POC1B: variants seen among roughly 807,000 people sequenced by gnomAD.
The protein encoded by POC1B is POC1 centriolar protein B, also known as POC1 centriolar protein homolog B.
A neutral mutation model predicts 60.6 loss-of-function variants in POC1B; 44 were observed. The ratio of observed to expected loss-of-function variants is 0.73; its 90% CI spans 0.57 to 0.93. The LOEUF (loss-of-function observed/expected upper bound fraction) is 0.93, where lower values mean the gene tolerates loss of function less well. Among genes scored for constraint, POC1B ranks in the 40% least tolerant of loss-of-function variants. POC1B has a pLI of 0.00. For synonymous variants in POC1B, 180 were observed against 198.9 expected (o/e 0.90, Z 0.80); for missense variants, 555 against 572.3 (o/e 0.97, Z 0.31).
chr12:89,451,205 C>T (rs1480832693), intron 10 of POC1B, among the ~76,000 whole-genome samples: 2 of 152,098 alleles, frequency 1.3e-5, no homozygotes, highest in Non-Finnish European at 2.9e-5. Context: ...ACTCTATGTG[C>T]TTCAGAAAAA....
chr12:89,518,877 A>G (rs1870617526), intron 2 of POC1B, among the ~76,000 whole-genome samples: 1 of 152,166 alleles, frequency 6.6e-6, no homozygotes, highest in Non-Finnish European at 1.5e-5. Context: ...TAGGTCACCT[A>G]TATATATGCT....
At chr12:89,506,234 C>A (rs1192885576) in intron 2 of POC1B, among the ~76,000 whole-genome samples, 1 of 152,234 alleles carries the variant, frequency 6.6e-6, no homozygotes, top group Non-Finnish European at 1.5e-5. Flanking sequence ...CTGTCACTTA[C>A]TGCTGTGTGC....
At chr12:89,525,715 G>A in intron 1 of POC1B, 166 bp downstream of exon 1, 7 of 1,260,276 alleles carry the variant, frequency 5.6e-6, no homozygotes, top group Non-Finnish European at 7.2e-6. Context: ...CGTCCGCCCC[G>A]ATGGCAGAGA....
intron 2 of POC1B, chr12:89,524,169 C>A: frequency 6.2e-7 from 1 of 1,613,988 alleles, no homozygotes; most frequent in Non-Finnish European, 8.5e-7. Flanking sequence ...AGTTGAACTT[C>A]TGGGACTTAC....
Position 89,437,813 on chromosome 12 carries a change from C to T in POC1B, c.1114-12434G>A, listed in dbSNP as rs368999341. On this transcript the variant is annotated intron_variant, in intron 10 of 11. Coordinates refer to ENST00000313546, the MANE Select transcript of POC1B (RefSeq NM_172240.3). ...CTGTAACCCCAGCACTTTGGGAGGC[C>T]GAGACGGGTGGATCACCTGAGGTCA... Among the ~76,000 whole-genome samples, 57 of 151,892 alleles carry T rather than the reference C, an allele frequency of 3.8e-4. No individual in the cohort carries two copies. In the East Asian group the frequency reaches 0.01, roughly 28 times the overall value.
intron 5 of POC1B, among the ~76,000 whole-genome samples, 177 bp from the exon 6 acceptor site, chr12:89,471,906 T>A (rs923544750): frequency 6.6e-6 from 1 of 152,056 alleles, no homozygotes; most frequent in African/African-American, 2.4e-5. Context: ...TAGCTGGAAT[T>A]ACAGGCACAT....
intron 2 of POC1B, chr12:89,502,515 A>G (rs1052334670): frequency 1.9e-6 from 2 of 1,079,510 alleles, no homozygotes; most frequent in African/African-American, 1.6e-5. Flanking sequence ...ATCTGTCTTG[A>G]TAACGATGAA....
Position 89,525,871 on chromosome 12 carries a change from C to A in POC1B, c.15+10G>T. On this transcript the variant is annotated intron_variant, in intron 1 of 11. Transcript: ENST00000313546. ...GGGAGGGACCCCCCCCACCTCCAAC[C>A]CGTCCTTACCGTGGCTGAGGCCATC... The A allele has an allele frequency of 6.9e-7, 1 of 1,443,150 alleles. No homozygotes were observed. Among genetic ancestry groups the A allele is most frequent in the East Asian group, 2.6e-5 (1 of 38,216 alleles). The allele number at this position is 1,443,150 out of a possible 1,614,324, so 89.4% of individuals were successfully genotyped here.
chr12:89,443,152 T>C (rs1225012527), intron 10 of POC1B, among the ~76,000 whole-genome samples: 1 of 152,142 alleles, frequency 6.6e-6, no homozygotes, highest in African/African-American at 2.4e-5. Flanking sequence ...ACAATAATAA[T>C]GGGAGACTTT....
At chr12:89,433,236 G>C (rs1247890968) in intron 10 of POC1B, among the ~76,000 whole-genome samples, 2 of 152,104 alleles carry the variant, frequency 1.3e-5, no homozygotes, top group Non-Finnish European at 2.9e-5. Flanking sequence ...GGGATGAGGG[G>C]CCAAATGAGG....
At chr12:89,428,269 A>G (rs1193114893) in intron 10 of POC1B, 2 of 152,312 alleles carry the variant, frequency 1.3e-5, no homozygotes, top group South Asian at 2.1e-4. Flanking sequence ...CCATCCTAGC[A>G]TGACTGCATC....
At chr12:89,522,910 C>G in intron 2 of POC1B, 1 of 1,614,046 alleles carries the variant, frequency 6.2e-7, no homozygotes, top group Non-Finnish European at 8.5e-7. Flanking sequence ...AGCACTAAGA[C>G]ACAGTCCTGA....
the POC1B span, among the ~76,000 whole-genome samples, chr12:89,405,202 T>C: frequency 2.0e-5 from 3 of 152,138 alleles, no homozygotes; most frequent in Non-Finnish European, 4.4e-5. Flanking sequence ...ACTAACATGG[T>C]TGATGGAAGG....
intron 4 of POC1B, among the ~76,000 whole-genome samples, chr12:89,482,090 A>G (rs1868382509): frequency 1.3e-5 from 2 of 152,218 alleles, no homozygotes; most frequent in South Asian, 4.1e-4. Flanking sequence ...GAAAAATTTG[A>G]CCCAGATATG....
At chr12:89,495,920 C>T (rs903559839) in intron 3 of POC1B, among the ~76,000 whole-genome samples, 4 of 152,032 alleles carry the variant, frequency 2.6e-5, no homozygotes, top group African/African-American at 9.7e-5. Context: ...TGACACCACG[C>T]CTGGCTAACT....
chr12:89,432,252 G>A (rs535441837), intron 10 of POC1B, among the ~76,000 whole-genome samples: 3 of 151,706 alleles, frequency 2.0e-5, no homozygotes, highest in South Asian at 4.2e-4. Context: ...CAGGTGTTGC[G>A]GCATGCACCC....
intron 10 of POC1B, among the ~76,000 whole-genome samples, chr12:89,441,731 C>T (rs1213845096): frequency 1.3e-5 from 2 of 152,240 alleles, no homozygotes; most frequent in Non-Finnish European, 2.9e-5. Context: ...AGGAACGCAG[C>T]TCCTCGCCAG....
rs189671054 is a variant in POC1B at position 89,452,452 on chromosome 12, C to A, written c.1113+7186G>T. On this transcript the variant is annotated intron_variant, in intron 10 of 11. Transcript: ENST00000313546. ...CATTTTATACGGCAGAGTTCAAGTC[C>A]CAAATCACGTTTGTCAATAGGAGTA... is the stretch of plus-strand genomic sequence containing the variant. Among the ~76,000 whole-genome samples, 7 of 151,772 alleles carry A rather than the reference C, an allele frequency of 4.6e-5. No homozygotes were observed. The East Asian group carries it at 1.4e-3, about 29-fold the overall frequency.
chr12:89,453,898 A>C (rs999104581), intron 10 of POC1B, among the ~76,000 whole-genome samples: 1 of 152,222 alleles, frequency 6.6e-6, no homozygotes, highest in Non-Finnish European at 1.5e-5. Context: ...AATATTTTTC[A>C]GATAGTATAC....
Sources: gnomAD v4.1 joint callset for allele counts (sites outside exome capture counted in the v4.1 genomes callset) on GRCh38, gnomAD v4.1.1 for gene constraint, MANE v1.5 for transcripts, NCBI Gene and HGNC (gene_info 2026-07-23, HGNC 2026-07-21) for gene names.